RABGAP1L: variants seen among roughly 807,000 people sequenced by gnomAD.
RABGAP1L encodes rab GTPase-activating protein 1-like.
In RABGAP1L, 63 loss-of-function variants were observed where a neutral mutation model predicts 137.7. The ratio of observed to expected loss-of-function variants is 0.46; its 90% CI spans 0.37 to 0.56. RABGAP1L has a LOEUF of 0.56. Among genes scored for constraint, RABGAP1L ranks in the 20% least tolerant of loss-of-function variants. RABGAP1L has a pLI of 0.00. For missense variants in RABGAP1L, 1,095 were observed against 1,244.0 expected (o/e 0.88, Z 1.80); for synonymous variants, 431 against 433.7 (o/e 0.99, Z 0.08).
chr1:174,903,290 A>G (rs1398295297), intron 19 of RABGAP1L, among the ~76,000 whole-genome samples: 1 of 152,236 alleles, frequency 6.6e-6, no homozygotes, highest in Non-Finnish European at 1.5e-5. Flanking sequence ...ATCATTCTGT[A>G]GCTGGAGTTG....
At chr1:174,740,818 C>A (rs1165336871) in intron 17 of RABGAP1L, among the ~76,000 whole-genome samples, 1 of 151,944 alleles carries the variant, frequency 6.6e-6, no homozygotes, top group Non-Finnish European at 1.5e-5. Flanking sequence ...TCTGATGATT[C>A]ATGAGGTTGA....
intron 19 of RABGAP1L, among the ~76,000 whole-genome samples, chr1:174,936,948 G>A (rs997118072): frequency 3.3e-5 from 5 of 149,610 alleles, no homozygotes; most frequent in Non-Finnish European, 4.4e-5. Context: ...GAATGAGGAA[G>A]GACCATAATT....
chr1:174,310,485 GT>G (rs1160294097), intron 11 of RABGAP1L, among the ~76,000 whole-genome samples: 2 of 152,138 alleles, frequency 1.3e-5, no homozygotes, highest in African/African-American at 4.8e-5. Context: ...TAAGTCTGAT[GT>G]TCCTTTATTG....
At chr1:174,380,729 CA>C (rs1327993162) in intron 12 of RABGAP1L, among the ~76,000 whole-genome samples, 2 of 126,818 alleles carry the variant, frequency 1.6e-5, no homozygotes, top group East Asian at 2.3e-4. Context: ...TTGATCCTTT[CA>C]AAAAACCAGC....
At chr1:174,345,520 AT>A (rs1682354226) in intron 11 of RABGAP1L, among the ~76,000 whole-genome samples, 1 of 151,996 alleles carries the variant, frequency 6.6e-6, no homozygotes, top group Non-Finnish European at 1.5e-5. Flanking sequence ...GGTTAAGTTA[AT>A]TCATAGGTAT....
intron 12 of RABGAP1L, among the ~76,000 whole-genome samples, chr1:174,380,622 A>G (rs1244668603): frequency 6.6e-6 from 1 of 151,978 alleles, no homozygotes; most frequent in African/African-American, 2.4e-5. Flanking sequence ...TTTCTGTGGG[A>G]TCTGTGATGA....
chr1:174,320,919 A>G (rs187325129), intron 11 of RABGAP1L, among the ~76,000 whole-genome samples: 1 of 152,302 alleles, frequency 6.6e-6, no homozygotes, highest in East Asian at 1.9e-4. Flanking sequence ...CAAGGGAGAT[A>G]ACCATTAGGT....
At chr1:174,929,233 T>G (rs535745879) in intron 19 of RABGAP1L, among the ~76,000 whole-genome samples, 2 of 152,172 alleles carry the variant, frequency 1.3e-5, no homozygotes, top group South Asian at 4.2e-4. Context: ...AAAAGAAGAT[T>G]GGCTGTTTAT....
chr1:174,906,263 C>T (rs1223145967), intron 19 of RABGAP1L, among the ~76,000 whole-genome samples: 4 of 151,422 alleles, frequency 2.6e-5, no homozygotes, highest in Non-Finnish European at 5.9e-5. Context: ...AAGTGATCCA[C>T]CCAATTCAAC....
intron 19 of RABGAP1L, among the ~76,000 whole-genome samples, chr1:174,907,391 C>T (rs1208313926): frequency 6.6e-6 from 1 of 152,126 alleles, no homozygotes; most frequent in Admixed American, 6.5e-5. Context: ...TGGTTCACTG[C>T]AGCCTTGACC....
At chr1:174,945,215 T>C (rs370030250) in intron 19 of RABGAP1L, among the ~76,000 whole-genome samples, 1 of 152,230 alleles carries the variant, frequency 6.6e-6, no homozygotes, top group East Asian at 1.9e-4. Context: ...ATCACACCAA[T>C]ACAATTCAAC....
At chr1:174,680,940 C>A (rs750720747) in intron 14 of RABGAP1L, among the ~76,000 whole-genome samples, 1 of 151,912 alleles carries the variant, frequency 6.6e-6, no homozygotes, top group East Asian at 1.9e-4. Context: ...GGAACTTGAA[C>A]AATCACAAAA....
chr1:174,836,834 ATAT>A (rs1271017928), intron 19 of RABGAP1L, among the ~76,000 whole-genome samples: 2 of 152,226 alleles, frequency 1.3e-5, no homozygotes, highest in Non-Finnish European at 2.9e-5. Flanking sequence ...TGGCAAAATG[ATAT>A]TATAAGTGCT....
At chr1:174,564,367 T>C (rs1013750588) in intron 13 of RABGAP1L, among the ~76,000 whole-genome samples, 2 of 152,200 alleles carry the variant, frequency 1.3e-5, no homozygotes, top group African/African-American at 4.8e-5. Flanking sequence ...ATGCAGTTAA[T>C]ATTTACCATT....
At chr1:174,870,446 G>A (rs995032315) in intron 19 of RABGAP1L, among the ~76,000 whole-genome samples, 2 of 152,128 alleles carry the variant, frequency 1.3e-5, no homozygotes, top group Non-Finnish European at 2.9e-5. Context: ...GGAGACATCA[G>A]TGTTTGAGAA....
chr1:174,907,010 C>T (rs1449720550), intron 19 of RABGAP1L, among the ~76,000 whole-genome samples: 2 of 151,910 alleles, frequency 1.3e-5, no homozygotes, highest in African/African-American at 4.8e-5. Flanking sequence ...CATTCACCAC[C>T]ACCGGGCTTA....
chr1:174,371,048 C>G lies in RABGAP1L; in HGVS notation c.1535C>G (p.Ser512Cys), dbSNP rs747877567. 2.0e-6 allele frequency: 3 copies of G among 1,498,298 alleles called. No individual in the cohort carries two copies. The South Asian group carries it at 4.4e-5, about 22-fold the overall frequency. 92.8% of individuals were successfully genotyped at this position (1,498,298 alleles called of 1,614,324 possible). ...SKDCPEKILY[S>C]WGELLGKWHS... Reference sequence around the variant, plus strand: ...GATTGTCCTGAGAAGATCCTGTATTCTTGGGGAGAGTTGCTAGGAAAATGG... The same window carrying G: ...GATTGTCCTGAGAAGATCCTGTATTGTTGGGGAGAGTTGCTAGGAAAATGG... Residue 512 changes from serine to cysteine, a missense_variant, in exon 12 of 26, where the codon TCT (serine) becomes TGT (cysteine). By Grantham distance (112) the Ser-to-Cys change is moderately radical. Transcript: ENST00000681986.
At chr1:174,542,874 G>A (rs183662984) in intron 13 of RABGAP1L, among the ~76,000 whole-genome samples, 132 of 152,280 alleles carry the variant, frequency 8.7e-4, no homozygotes, top group African/African-American at 2.7e-3. Context: ...TCAGGACAAG[G>A]TTGTTCAGTT....
At chr1:174,567,095 G>A (rs941838262) in intron 13 of RABGAP1L, among the ~76,000 whole-genome samples, 1 of 151,948 alleles carries the variant, frequency 6.6e-6, no homozygotes, top group South Asian at 2.1e-4. Flanking sequence ...TAACAGTGTT[G>A]TATAACCATT....
Sources: gnomAD v4.1 joint callset for allele counts (sites outside exome capture counted in the v4.1 genomes callset) on GRCh38, gnomAD v4.1.1 for gene constraint, MANE v1.5 for transcripts, NCBI Gene and HGNC (gene_info 2026-07-23, HGNC 2026-07-21) for gene names.